Variants in LMBRD1 observed in about 807,000 individuals in gnomAD.
The protein encoded by LMBRD1 is lysosomal cobalamin transport escort protein LMBD1.
In LMBRD1, 64 loss-of-function variants were observed where a neutral mutation model predicts 74.8. The ratio of observed to expected loss-of-function variants is 0.86; its 90% CI spans 0.70 to 1.05. The LOEUF (loss-of-function observed/expected upper bound fraction) is 1.05. Among genes scored for constraint, LMBRD1 ranks in the 50% least tolerant of loss-of-function variants. The pLI is 0.00. For missense variants in LMBRD1, 652 were observed against 645.9 expected (o/e 1.01, Z -0.10); for synonymous variants, 204 against 216.3 (o/e 0.94, Z 0.50).
intron 7 of LMBRD1, among the ~76,000 whole-genome samples, chr6:69,735,281 C>T (rs1766950719): frequency 6.6e-6 from 1 of 152,124 alleles, no homozygotes; most frequent in South Asian, 2.1e-4. Flanking sequence ...GGCACAATTT[C>T]AGACATACCA....
chr6:69,737,176 T>A (rs1374715869), intron 7 of LMBRD1, among the ~76,000 whole-genome samples: 2 of 152,150 alleles, frequency 1.3e-5, no homozygotes, highest in Admixed American at 6.5e-5. Flanking sequence ...AGAATTTTCA[T>A]CTTTGCAAGA....
At chr6:69,769,504 T>C (rs890583979) in intron 3 of LMBRD1, among the ~76,000 whole-genome samples, 2 of 152,198 alleles carry the variant, frequency 1.3e-5, no homozygotes, top group African/African-American at 4.8e-5. Context: ...GTTTCCACTA[T>C]ATGCTGTTTT....
intron 14 of LMBRD1, among the ~76,000 whole-genome samples, chr6:69,694,531 T>C (rs187714138): frequency 3.9e-5 from 6 of 152,320 alleles, no homozygotes; most frequent in Admixed American, 1.3e-4. Context: ...TATTATTTCT[T>C]CAGACAAAAT....
intron 5 of LMBRD1, among the ~76,000 whole-genome samples, chr6:69,749,091 A>G (rs1765058622): frequency 6.6e-6 from 1 of 152,018 alleles, no homozygotes. Flanking sequence ...TTTGTGTAAA[A>G]AGCATGTAGA....
intron 1 of LMBRD1, among the ~76,000 whole-genome samples, chr6:69,795,723 T>A (rs1766210443): frequency 6.6e-6 from 1 of 152,244 alleles, no homozygotes; most frequent in South Asian, 2.1e-4. Context: ...AGTGTTTTTA[T>A]CTGTGACAGT....
At chr6:69,785,402 T>C (rs1025068488) in intron 2 of LMBRD1, among the ~76,000 whole-genome samples, 1 of 152,156 alleles carries the variant, frequency 6.6e-6, no homozygotes, top group Non-Finnish European at 1.5e-5. Flanking sequence ...TTCACAGAGC[T>C]TCAACTCCCT....
At chr6:69,749,221 G>T in intron 5 of LMBRD1, 120 bp downstream of exon 5, 1 of 775,028 alleles carries the variant, frequency 1.3e-6, no homozygotes, top group African/African-American at 1.8e-5. Context: ...TTAGAGAGTG[G>T]ATTGTTCTTT....
chr6:69,782,201 G>C (rs1205632809), intron 2 of LMBRD1, among the ~76,000 whole-genome samples: 1 of 152,146 alleles, frequency 6.6e-6, no homozygotes, highest in Non-Finnish European at 1.5e-5. Flanking sequence ...TTATTCATTG[G>C]ACAATACTAC....
At chr6:69,680,303 C>T (rs868174356) in intron 14 of LMBRD1, among the ~76,000 whole-genome samples, 16 of 152,152 alleles carry the variant, frequency 1.1e-4, no homozygotes, top group Non-Finnish European at 1.5e-4. Flanking sequence ...TTTCTCAATA[C>T]TGCTAATGCT....
At chr6:69,683,993 C>T (rs1185199014) in intron 14 of LMBRD1, among the ~76,000 whole-genome samples, 1 of 151,886 alleles carries the variant, frequency 6.6e-6, no homozygotes. Flanking sequence ...TATTTAAATA[C>T]AAATTGGCAT....
intron 13 of LMBRD1, among the ~76,000 whole-genome samples, chr6:69,698,476 G>A (rs1216509305): frequency 6.6e-6 from 1 of 151,978 alleles, no homozygotes; most frequent in Non-Finnish European, 1.5e-5. Flanking sequence ...AACAAAGTTT[G>A]AATCAGATAT....
chr6:69,682,728 C>T (rs762402040), intron 14 of LMBRD1, among the ~76,000 whole-genome samples: 4 of 151,892 alleles, frequency 2.6e-5, no homozygotes, highest in Non-Finnish European at 5.9e-5. Context: ...GTAGTTTAAA[C>T]GGATATACTA....
In LMBRD1 at chr6:69,780,536, C is replaced by T. The variant is rs1389852310; in HGVS notation, c.265G>A (p.Val89Ile). 1.2e-6 allele frequency: 2 copies of T among 1,607,066 alleles called. No individual in the cohort carries two copies. Among genetic ancestry groups the T allele is most frequent in the East Asian group, 2.2e-5 (1 of 44,844 alleles). ...ACAGTGTCCTCAATCTGTCTGCTGA[C>T]ATTAGCATTAGCCCAGTCCTAGGAT... is the stretch of plus-strand genomic sequence containing the variant. The part of the protein sequence containing the change: ...GTFKDWANAN[V>I]SRQIEDTVLY... Residue 89 changes from valine (V) to isoleucine (I), a missense_variant, in exon 3 of 16, where the codon GTC becomes ATC. Physicochemically the swap from Val to Ile is conservative, Grantham distance 29. This residue lies in a region of LMBRD1 where 598 missense variants were observed against 581.8 expected (regional missense o/e 1.03). Transcript: ENST00000649934.
rs561658562 is a variant in LMBRD1 at position 69,701,767 on chromosome 6, G to T, written c.980+122C>A. On this transcript the variant is annotated intron_variant, in intron 10 of 15. Coordinates refer to ENST00000649934, the MANE Select transcript of LMBRD1 (RefSeq NM_018368.4). ...AGCCATTCTTTGAGTTAATGCTATA[G>T]AACACTTCAAGTAAAAAAGCTACTT... 1.3e-5 allele frequency: 10 copies of T among 749,140 alleles called. No individual in the cohort carries two copies. In the South Asian group the frequency reaches 1.6e-4, roughly 12 times the overall value. 46.4% of individuals were successfully genotyped at this position (749,140 alleles called of 1,614,324 possible). A position where few individuals can be genotyped will look rare whatever the true frequency, so the allele number is the denominator to read the frequency against.
At chr6:69,733,008 A>G (rs1417873311) in intron 7 of LMBRD1, among the ~76,000 whole-genome samples, 1 of 152,204 alleles carries the variant, frequency 6.6e-6, no homozygotes, top group Non-Finnish European at 1.5e-5. Flanking sequence ...ATTATTTGGC[A>G]TTGATTAATA....
At chr6:69,705,973 T>A (rs879150408) in intron 9 of LMBRD1, 5 of 923,002 alleles carry the variant, frequency 5.4e-6, no homozygotes, top group South Asian at 5.1e-5. Flanking sequence ...ATACACTGCC[T>A]CTGCTTCAAC....
chr6:69,776,351 A>G (rs1765702065), intron 3 of LMBRD1, among the ~76,000 whole-genome samples: 1 of 152,164 alleles, frequency 6.6e-6, no homozygotes, highest in Non-Finnish European at 1.5e-5. Flanking sequence ...AAGAGTTTAA[A>G]CCTTTTTGAT....
chr6:69,732,210 A>C (rs1052478701), intron 7 of LMBRD1, among the ~76,000 whole-genome samples: 1 of 152,156 alleles, frequency 6.6e-6, no homozygotes, highest in Admixed American at 6.5e-5. Flanking sequence ...TAAAATTCGT[A>C]TGTTGAAATC....
At chr6:69,774,574 G>T (rs570312077) in intron 3 of LMBRD1, among the ~76,000 whole-genome samples, 1 of 152,150 alleles carries the variant, frequency 6.6e-6, no homozygotes, top group Non-Finnish European at 1.5e-5. Flanking sequence ...AGGGGTTGTA[G>T]AAATAGGGAG....
Sources: allele counts gnomAD v4.1 joint callset (sites outside exome capture counted in the v4.1 genomes callset), GRCh38; gene constraint gnomAD v4.1.1; regional missense constraint gnomAD v4.1.1; transcripts MANE v1.5; gene names NCBI Gene and HGNC (gene_info 2026-07-23, HGNC 2026-07-21).